Variants in LARS2 observed in about 807,000 individuals in gnomAD.
LARS2 encodes leucine--tRNA ligase, mitochondrial.
A neutral mutation model predicts 116.6 loss-of-function variants in LARS2; 81 were observed. The ratio of observed to expected loss-of-function variants is 0.69; its 90% CI spans 0.58 to 0.84. The LOEUF is 0.84. LARS2 is among the 40% of genes least tolerant of loss of function. The pLI is 0.00. For missense variants in LARS2, 968 were observed against 1,114.5 expected (o/e 0.87, Z 1.87); for synonymous variants, 396 against 407.2 (o/e 0.97, Z 0.33).
rs1243327631 is a variant in LARS2, at chr3:45,520,212, C to T, written c.2215-7C>T. On this transcript the variant is annotated splice_region_variant and splice_polypyrimidine_tract_variant and intron_variant, in intron 18 of 21. Transcript: ENST00000645846. ...AAATAAGTAAATAATTGAACCTTTA[C>T]TAATAGGTGACCACCCATTTCACAG... is the stretch of plus-strand genomic sequence containing the variant. 6.3e-7 allele frequency: 1 copy of T among 1,593,980 alleles called. No individual in the cohort carries two copies. Among genetic ancestry groups the T allele is most frequent in the East Asian group, 2.2e-5 (1 of 44,746 alleles).
intron 3 of LARS2, among the ~76,000 whole-genome samples, chr3:45,399,086 T>G (rs776262597): frequency 3.3e-5 from 5 of 152,362 alleles, no homozygotes; most frequent in Admixed American, 6.5e-5. Flanking sequence ...GCTGCTTCTT[T>G]GGAAGCTGGA....
chr3:45,446,142 G>A (rs562783934), intron 6 of LARS2, among the ~76,000 whole-genome samples: 4 of 152,270 alleles, frequency 2.6e-5, no homozygotes, highest in East Asian at 1.9e-4. Flanking sequence ...TCATTTCTGC[G>A]TTAGTTTTTG....
chr3:45,517,311 T>C (rs1700383003), intron 17 of LARS2, among the ~76,000 whole-genome samples: 1 of 152,202 alleles, frequency 6.6e-6, no homozygotes, highest in Non-Finnish European at 1.5e-5. Flanking sequence ...CTGACCCTAA[T>C]TTGGCTACTG....
chr3:45,471,076 A>G (rs1699517189), intron 8 of LARS2, among the ~76,000 whole-genome samples: 1 of 149,486 alleles, frequency 6.7e-6, no homozygotes, highest in African/African-American at 2.4e-5. Context: ...AAAGAAGGAT[A>G]TAAACTAAAC....
intron 8 of LARS2, among the ~76,000 whole-genome samples, chr3:45,459,210 TAA>T (rs1316551353): frequency 6.6e-6 from 1 of 152,078 alleles, no homozygotes; most frequent in South Asian, 2.1e-4. Context: ...GGGGGGCCTT[TAA>T]AAAAAGAGAG....
At chr3:45,426,152 A>G (rs959310532) in intron 6 of LARS2, among the ~76,000 whole-genome samples, 1 of 152,234 alleles carries the variant, frequency 6.6e-6, no homozygotes, top group Non-Finnish European at 1.5e-5. Context: ...CCTTATTTTC[A>G]TAGAGAACCG....
At chr3:45,439,599 G>A (rs376870242) in intron 6 of LARS2, among the ~76,000 whole-genome samples, 6 of 151,086 alleles carry the variant, frequency 4.0e-5, no homozygotes, top group South Asian at 2.1e-4. Context: ...CCACGAAGGT[G>A]GGTTTAAAGT....
In LARS2 at chr3:45,510,363, G is replaced by A. The variant is rs1700269225; in HGVS notation, c.1761-2772G>A. Among the ~76,000 whole-genome samples the A allele has an allele frequency of 3.9e-5, 6 of 152,168 alleles. No individual in the cohort carries two copies. The South Asian group carries it at 1.2e-3, about 31-fold the overall frequency. Reference sequence around the variant, plus strand: ...CAGGAGACTGAGGCTGCAGTGAGCTGTGATTGTGCCACTGCACCCCAGCCT... The same window carrying A: ...CAGGAGACTGAGGCTGCAGTGAGCTATGATTGTGCCACTGCACCCCAGCCT... On this transcript the variant is annotated intron_variant, in intron 15 of 21. Transcript: ENST00000645846.
intron 6 of LARS2, among the ~76,000 whole-genome samples, chr3:45,424,562 G>A (rs1308879700): frequency 1.3e-5 from 2 of 151,348 alleles, no homozygotes; most frequent in Non-Finnish European, 3.0e-5. Context: ...GTGTAGATTT[G>A]TGTAACCACC....
At chr3:45,400,764 A>G (rs1024136712) in intron 4 of LARS2, among the ~76,000 whole-genome samples, 7 of 152,068 alleles carry the variant, frequency 4.6e-5, no homozygotes, top group African/African-American at 1.4e-4. Context: ...AGACTGCAAG[A>G]TATTTCTTTC....
At chr3:45,403,112 CA>C (rs1160287597) in intron 4 of LARS2, among the ~76,000 whole-genome samples, 55 of 85,394 alleles carry the variant, frequency 6.4e-4, no homozygotes, top group East Asian at 3.8e-3. Flanking sequence ...TCTCCAAAGA[CA>C]AAAAAAAAAA....
intron 8 of LARS2, among the ~76,000 whole-genome samples, chr3:45,470,137 C>T (rs977666613): frequency 2.6e-5 from 4 of 152,092 alleles, no homozygotes; most frequent in African/African-American, 9.7e-5. Flanking sequence ...TAAAACGTAT[C>T]ATGTTTTAAA....
intron 6 of LARS2, among the ~76,000 whole-genome samples, chr3:45,441,131 TCTC>T (rs1027670051): frequency 6.6e-6 from 1 of 151,686 alleles, no homozygotes; most frequent in Non-Finnish European, 1.5e-5. Flanking sequence ...TTCAAGCAAT[TCTC>T]CTGCCTCAGC....
chr3:45,463,979 C>T (rs1699379075), intron 8 of LARS2, among the ~76,000 whole-genome samples: 1 of 152,164 alleles, frequency 6.6e-6, no homozygotes, highest in Non-Finnish European at 1.5e-5. Flanking sequence ...CCTTATTCTT[C>T]ATCAAGGATT....
intron 15 of LARS2, among the ~76,000 whole-genome samples, chr3:45,511,353 A>C (rs566473422): frequency 1.3e-5 from 2 of 152,230 alleles, no homozygotes; most frequent in Non-Finnish European, 2.9e-5. Flanking sequence ...AATGGCTACA[A>C]GCGGGTTAGA....
rs1559473699 is a variant in LARS2 at position 45,451,849 on chromosome 3, AT to A, written c.606+4875del. ...ATCCACGAACATAGTATATTTTTGC[AT>A]TTTTTGTTTGTCCTTTTCAATTACT... On this transcript the variant is annotated intron_variant, in intron 7 of 21. Coordinates refer to ENST00000645846, the MANE Select transcript of LARS2 (RefSeq NM_015340.4). 3.3e-5 allele frequency among the ~76,000 whole-genome samples: 5 copies of A among 152,072 alleles called. No homozygotes were observed. In the South Asian group the frequency reaches 8.3e-4, roughly 25 times the overall value.
intron 6 of LARS2, among the ~76,000 whole-genome samples, chr3:45,428,297 G>A: frequency 1.7e-5 from 2 of 119,282 alleles, no homozygotes; most frequent in East Asian, 3.0e-4. Flanking sequence ...AGGCTGGAGT[G>A]CAGTGGCGCG....
In LARS2 at chr3:45,485,674, A is replaced by C; in HGVS notation, c.1019-18A>C. 1 of 1,459,476 alleles carries C rather than the reference A, an allele frequency of 6.9e-7. No individual in the cohort carries two copies. The highest frequency in any genetic ancestry group is 9.5e-7 in the Non-Finnish European group (1 of 1,051,792). 90.4% of individuals were successfully genotyped at this position (1,459,476 alleles called of 1,614,324 possible). A position where few individuals can be genotyped will look rare whatever the true frequency, so the allele number is the denominator to read the frequency against. ...TCTCAGTTGAGTGGCATCCACAGTT[A>C]TTTGCTCTCATTTTCAGATTGCCTC... On this transcript the variant is annotated intron_variant, in intron 10 of 21. Transcript: ENST00000645846.
chr3:45,522,721 C>T (rs1575311944), intron 19 of LARS2, among the ~76,000 whole-genome samples: 1 of 151,884 alleles, frequency 6.6e-6, no homozygotes, highest in Non-Finnish European at 1.5e-5. Context: ...GCCTGGGCAA[C>T]AGAGAGAGAC....
Sources: gnomAD v4.1 joint callset for allele counts (sites outside exome capture counted in the v4.1 genomes callset) on GRCh38, gnomAD v4.1.1 for gene constraint, MANE v1.5 for transcripts, NCBI Gene and HGNC (gene_info 2026-07-23, HGNC 2026-07-21) for gene names.